The following SYNGR4 variants were observed in gnomAD, a reference collection of about 807,000 sequenced individuals.
SYNGR4 encodes synaptogyrin-4.
A neutral mutation model predicts 15.5 loss-of-function variants in SYNGR4; 15 were observed. The observed-to-expected ratio is 0.97, with a 90% CI of 0.65 to 1.49. The LOEUF is 1.49. SYNGR4 is among the 40% of genes most tolerant of loss of function. SYNGR4 has a pLI of 0.00. For synonymous variants in SYNGR4, 121 were observed against 127.4 expected (o/e 0.95, Z 0.34); for missense variants, 292 against 299.3 (o/e 0.98, Z 0.18).
intron 3 of SYNGR4, 23 bp downstream of exon 3, chr19:48,373,777 C>T: frequency 6.2e-7 from 1 of 1,608,652 alleles, no homozygotes; most frequent in South Asian, 1.1e-5. Flanking sequence ...GACCCCCAAC[C>T]CAGAGCTGCC....
At chr19:48,373,376 T>C in intron 2 of SYNGR4, 141 bp from the exon 3 acceptor site, 1 of 733,222 alleles carries the variant, frequency 1.4e-6, no homozygotes, top group Non-Finnish European at 2.3e-6. Flanking sequence ...CTGAGGGCTC[T>C]GACACTGTGA....
At chr19:48,366,715 T>C (rs1970227494) in intron 2 of SYNGR4, among the ~76,000 whole-genome samples, 1 of 152,086 alleles carries the variant, frequency 6.6e-6, no homozygotes, top group African/African-American at 2.4e-5. Context: ...CTAAGTAAAT[T>C]TTTTAAATCT....
At chr19:48,369,273 A>G (rs1374877176) in intron 2 of SYNGR4, among the ~76,000 whole-genome samples, 1 of 147,260 alleles carries the variant, frequency 6.8e-6, no homozygotes, top group Non-Finnish European at 1.5e-5. Flanking sequence ...CAGGGAGGGC[A>G]TGGAAGGAGT....
At chr19:48,368,724 G>A (rs931169048) in intron 2 of SYNGR4, among the ~76,000 whole-genome samples, 1 of 152,198 alleles carries the variant, frequency 6.6e-6, no homozygotes, top group Non-Finnish European at 1.5e-5. Context: ...CGTGTGTGAG[G>A]AGAGGGCCTA....
rs76242262 is a variant in SYNGR4 at position 48,365,987 on chromosome 19, C to T, written c.93+52C>T. 5,467 of 1,577,644 alleles carry T rather than the reference C, an allele frequency of 3.5e-3. 148 individuals are homozygous for T. In the African/African-American group the frequency reaches 0.061, roughly 18 times the overall value. On this transcript the variant is annotated intron_variant, in intron 2 of 4. Transcript: ENST00000344846. Reference sequence around the variant, plus strand: ...GCCCCTGGGTGACAGGAGCCAGGAGCTCTCAACTCCCAGACACAGTGCGGG... The same window carrying T: ...GCCCCTGGGTGACAGGAGCCAGGAGTTCTCAACTCCCAGACACAGTGCGGG...
At chr19:48,365,442 A>C (rs1600938281) in intron 1 of SYNGR4, among the ~76,000 whole-genome samples, 2 of 46,586 alleles carry the variant, frequency 4.3e-5, no homozygotes, top group African/African-American at 8.5e-5. Flanking sequence ...GACCCCCAGC[A>C]CCCCCATCCT....
Position 48,373,641 on chromosome 19 carries a change from G to T in SYNGR4, c.218G>T (p.Gly73Val), listed in dbSNP as rs181498527. Residue 73 changes from glycine (G) to valine (V), a missense_variant, in exon 3 of 5, where the codon GGC (glycine) becomes GTC (valine). Gly to Val is a moderately radical substitution (Grantham distance 109). Transcript: ENST00000344846. ...GCCTGCAGCTTTGCCGTGGGAGCCG[G>T]CTTCCTGGCCTTCCTCAGCTGCCTG... ...SVACSFAVGA[G>V]FLAFLSCLAF... The T allele has an allele frequency of 1.2e-6, 2 of 1,613,764 alleles. No homozygotes were observed. Among genetic ancestry groups the T allele is most frequent in the East Asian group, 2.2e-5 (1 of 44,880 alleles).
chr19:48,371,741 C>T (rs1163253761), intron 2 of SYNGR4, among the ~76,000 whole-genome samples: 1 of 151,622 alleles, frequency 6.6e-6, no homozygotes, highest in African/African-American at 2.4e-5. Context: ...CCACACTGAG[C>T]TAATTTTTTT....
chr19:48,375,957 G>T, intron 4 of SYNGR4, 128 bp from the exon 5 acceptor site: 1 of 1,539,066 alleles, frequency 6.5e-7, no homozygotes. Flanking sequence ...TTGGCCTAGG[G>T]CTCCTGGGCA....
At position 48,376,012 on chromosome 19, in the gene SYNGR4, A is replaced by G. The variant is rs755449792; in HGVS notation, c.472-73A>G. On this transcript the variant is annotated intron_variant, in intron 4 of 4. Coordinates refer to ENST00000344846, the MANE Select transcript of SYNGR4 (RefSeq NM_012451.4). ...GTATCTTTTGTCTCCTTCCCAGGCCAGTCCCCAGCCCAGTCCCTCTCCTGA... is the reference window on the plus strand; with the variant it reads ...GTATCTTTTGTCTCCTTCCCAGGCCGGTCCCCAGCCCAGTCCCTCTCCTGA... The G allele has an allele frequency of 2.5e-6, 4 of 1,608,554 alleles. No homozygotes were observed. In the Admixed American group the frequency reaches 6.8e-5, roughly 27 times the overall value.
At position 48,372,327 on chromosome 19, in the gene SYNGR4, G is replaced by A. The variant is rs573204495; in HGVS notation, c.94-1190G>A. Among the ~76,000 whole-genome samples, 19 of 152,208 alleles carry A rather than the reference G, an allele frequency of 1.2e-4. No individual in the cohort carries two copies. In the East Asian group the frequency reaches 1.7e-3, roughly 14 times the overall value. The stretch of plus-strand genomic sequence containing the variant: ...GGGTGAGTGTTTATAGAGTGTTTCC[G>A]TGGTTTTTTTAGCAAATACACATAG... On this transcript the variant is annotated intron_variant, in intron 2 of 4. Coordinates refer to ENST00000344846, the MANE Select transcript of SYNGR4 (RefSeq NM_012451.4).
chr19:48,371,674 C>T (rs1489673444), intron 2 of SYNGR4, among the ~76,000 whole-genome samples: 1 of 150,868 alleles, frequency 6.6e-6, no homozygotes, highest in Non-Finnish European at 1.5e-5. Context: ...ACTTCTGGGT[C>T]TCAAGTGATC....
At chr19:48,369,343 A>T (rs1460459486) in intron 2 of SYNGR4, among the ~76,000 whole-genome samples, 3 of 152,180 alleles carry the variant, frequency 2.0e-5, no homozygotes, top group African/African-American at 7.2e-5. Flanking sequence ...CTGCTCCTCA[A>T]ATCTCCAGTG....
chr19:48,365,856 A>G lies in SYNGR4; in HGVS notation c.14A>G (p.Lys5Arg), dbSNP rs770528258. 1.9e-5 allele frequency: 31 copies of G among 1,613,506 alleles called. No homozygotes were observed. The highest frequency in any genetic ancestry group is 3.3e-5 in the Admixed American group (2 of 59,984). The change falls in exon 2 of 5, where the codon AAA (lysine) becomes AGA (arginine). Residue 5 changes from lysine (K) to arginine (R), a missense_variant. By Grantham distance (26) the Lys-to-Arg change is conservative. Coordinates refer to ENST00000344846, the MANE Select transcript of SYNGR4 (RefSeq NM_012451.4). Reference protein sequence around the residue: MHIPKSLQELANSEA... With the variant: MHIPRSLQELANSEA... ...AAAACAGCTGCCATGCACATCCCCA[A>G]AAGCCTCCAGGAGCTGGCCAACAGC...
chr19:48,373,379 C>G, intron 2 of SYNGR4, 138 bp from the exon 3 acceptor site: 1 of 743,596 alleles, frequency 1.3e-6, no homozygotes, highest in Non-Finnish European at 2.3e-6. Flanking sequence ...AGGGCTCTGA[C>G]ACTGTGACAA....
chr19:48,376,147 C>T lies in SYNGR4; in HGVS notation c.534C>T (p.Arg178=). The change falls in exon 5 of 5, where the codon CGC becomes CGT. Residue 178 remains arginine, a synonymous_variant. Coordinates refer to ENST00000344846, the MANE Select transcript of SYNGR4 (RefSeq NM_012451.4). ...ATGATGCTCCAGTCCCTTACAAGCG[C>T]TTCCTGGATGAGGGTGGCATGGTGC... The part of the protein sequence containing the change: ...LRNDAPVPYK[R]FLDEGGMVLT... The T allele has an allele frequency of 1.2e-6, 2 of 1,614,142 alleles. No individual in the cohort carries two copies. Among genetic ancestry groups the T allele is most frequent in the East Asian group, 2.2e-5 (1 of 44,884 alleles).
chr19:48,372,230 C>T (rs1474478161), intron 2 of SYNGR4, among the ~76,000 whole-genome samples: 2 of 152,132 alleles, frequency 1.3e-5, no homozygotes, highest in Non-Finnish European at 2.9e-5. Flanking sequence ...CCTCTCTGTG[C>T]CCCAGTTCCA....
chr19:48,367,503 G>A (rs1030873476), intron 2 of SYNGR4, among the ~76,000 whole-genome samples: 3 of 152,034 alleles, frequency 2.0e-5, no homozygotes, highest in African/African-American at 7.2e-5. Flanking sequence ...GACAGCATTG[G>A]CTAAGGTCAC....
intron 3 of SYNGR4, among the ~76,000 whole-genome samples, chr19:48,374,416 T>C (rs1487935852): frequency 6.6e-6 from 1 of 152,122 alleles, no homozygotes; most frequent in Non-Finnish European, 1.5e-5. Flanking sequence ...ACACTCCCGA[T>C]GGAGCCTGGC....
Sources: allele counts gnomAD v4.1 joint callset (sites outside exome capture counted in the v4.1 genomes callset), GRCh38; gene constraint gnomAD v4.1.1; transcripts MANE v1.5; gene names NCBI Gene and HGNC (gene_info 2026-07-23, HGNC 2026-07-21).